Variants in AKAP19 observed in about 807,000 individuals in gnomAD.
AKAP19 encodes the protein small A-kinase anchoring protein.
At chr2:190,148,953 C>CTTTTTTTTTTTTTTTTTTTTTTTT in the AKAP19 span, among the ~76,000 whole-genome samples, 4 of 134,086 alleles carry the variant, frequency 3.0e-5, no homozygotes, top group African/African-American at 8.5e-5. Flanking sequence ...TCTTTTCTTT[C>CTTTTTTTTTTTTTTTTTTTTTTTT]TTTTTTTTTT....
chr2:190,184,197 G>A, the AKAP19 span, among the ~76,000 whole-genome samples: 1,404 of 152,218 alleles, frequency 9.2e-3, 13 homozygotes, highest in African/African-American at 0.032. Flanking sequence ...AGGGGCTGAA[G>A]GTAACATAAA....
chr2:190,164,732 T>C, the AKAP19 span, among the ~76,000 whole-genome samples: 17 of 152,214 alleles, frequency 1.1e-4, no homozygotes, highest in African/African-American at 4.1e-4. Flanking sequence ...CTATTAGTTC[T>C]CAGATGGGCA....
At chr2:190,040,663 T>G in the AKAP19 span, among the ~76,000 whole-genome samples, 3 of 152,358 alleles carry the variant, frequency 2.0e-5, no homozygotes, top group East Asian at 3.9e-4. Context: ...GGGTTTTACA[T>G]TTAAGTCTTT....
At chr2:189,988,868 C>T in the AKAP19 span, among the ~76,000 whole-genome samples, 1 of 152,126 alleles carries the variant, frequency 6.6e-6, no homozygotes, top group Non-Finnish European at 1.5e-5. Context: ...CAACTTCTGC[C>T]TCATTGGCTT....
the AKAP19 span, among the ~76,000 whole-genome samples, chr2:190,011,740 T>C: frequency 2.6e-5 from 4 of 152,314 alleles, no homozygotes; most frequent in Admixed American, 2.0e-4. Flanking sequence ...CAATTGACTG[T>C]AAATATGTGG....
the AKAP19 span, among the ~76,000 whole-genome samples, chr2:189,881,317 G>A: frequency 1.3e-5 from 2 of 152,232 alleles, no homozygotes; most frequent in Non-Finnish European, 2.9e-5. Flanking sequence ...AGAGTCACCC[G>A]TCTGCTCACT....
At chr2:189,977,001 C>G in the AKAP19 span, among the ~76,000 whole-genome samples, 2 of 152,304 alleles carry the variant, frequency 1.3e-5, no homozygotes, top group South Asian at 2.1e-4. Flanking sequence ...CACTGTCCAA[C>G]AAGCCCCAGT....
At chr2:189,935,906 G>T in the AKAP19 span, among the ~76,000 whole-genome samples, 2 of 151,992 alleles carry the variant, frequency 1.3e-5, no homozygotes, top group African/African-American at 2.4e-5. Flanking sequence ...TGGCCTTGTT[G>T]GTCACATGCA....
the AKAP19 span, among the ~76,000 whole-genome samples, chr2:189,889,667 G>A: frequency 6.6e-6 from 1 of 152,188 alleles, no homozygotes; most frequent in African/African-American, 2.4e-5. Context: ...GAGGGTGTAT[G>A]TGTCCAGGAA....
At chr2:189,926,263 G>A in the AKAP19 span, among the ~76,000 whole-genome samples, 1 of 152,148 alleles carries the variant, frequency 6.6e-6, no homozygotes, top group African/African-American at 2.4e-5. Context: ...ATAGAAAGAT[G>A]CGCAATGATT....
the AKAP19 span, among the ~76,000 whole-genome samples, chr2:189,976,350 G>A: frequency 6.6e-6 from 1 of 152,050 alleles, no homozygotes. Context: ...CTTCGTCTCA[G>A]GGGGGTACCA....
chr2:190,147,557 G>T, the AKAP19 span, among the ~76,000 whole-genome samples: 2 of 152,042 alleles, frequency 1.3e-5, no homozygotes, highest in African/African-American at 4.8e-5. Flanking sequence ...ATTTTGGTGG[G>T]GATTGTGTTA....
the AKAP19 span, among the ~76,000 whole-genome samples, chr2:190,026,828 T>G: frequency 1.3e-5 from 2 of 152,128 alleles, no homozygotes; most frequent in Non-Finnish European, 2.9e-5. Context: ...TTAGTAAAGA[T>G]TATTGAATTA....
the AKAP19 span, among the ~76,000 whole-genome samples, chr2:190,031,586 A>G: frequency 6.6e-6 from 1 of 152,150 alleles, no homozygotes; most frequent in African/African-American, 2.4e-5. Flanking sequence ...TAATTAATGA[A>G]GAATTGCTGG....
the AKAP19 span, chr2:189,917,668 C>G: frequency 3.4e-6 from 1 of 298,484 alleles, no homozygotes; most frequent in South Asian, 4.3e-5. Context: ...ATTTCGGTAT[C>G]ATTACCATTA....
the AKAP19 span, among the ~76,000 whole-genome samples, chr2:189,942,251 G>C: frequency 1.1e-4 from 16 of 150,792 alleles, no homozygotes; most frequent in South Asian, 2.7e-3. Context: ...GCATTTAGAA[G>C]TGTGTGTCAC....
At chr2:190,200,734 A>G in the AKAP19 span, 1 of 168,442 alleles carries the variant, frequency 5.9e-6, no homozygotes, top group South Asian at 2.0e-4. Context: ...GGCCCTAACT[A>G]ATTACAGCTG....
the AKAP19 span, among the ~76,000 whole-genome samples, chr2:190,172,300 A>G: frequency 1.3e-3 from 197 of 152,210 alleles, no homozygotes; most frequent in African/African-American, 4.5e-3. Flanking sequence ...TGCATTTACT[A>G]GTTTGTTTAC....
chr2:189,980,299 T>C, the AKAP19 span, among the ~76,000 whole-genome samples: 2 of 152,228 alleles, frequency 1.3e-5, no homozygotes, highest in Non-Finnish European at 2.9e-5. Flanking sequence ...CCTAAGTGAA[T>C]TAATGCAGAA....
Sources: gnomAD v4.1 joint callset for allele counts (sites outside exome capture counted in the v4.1 genomes callset) on GRCh38, gnomAD v4.1.1 for gene constraint, MANE v1.5 for transcripts, NCBI Gene and HGNC (gene_info 2026-07-23, HGNC 2026-07-21) for gene names.